The following CDKN2B-AS1 variants were observed in gnomAD, a reference collection of about 807,000 sequenced individuals.
CDKN2B-AS1 encodes the protein CDKN2B antisense RNA 1 (non-protein coding).
intron 4 of CDKN2B-AS1, among the ~76,000 whole-genome samples, chr9:22,071,318 G>A (rs146471807): frequency 2.0e-4 from 14 of 70,470 alleles, no homozygotes; most frequent in African/African-American, 6.4e-4. Flanking sequence ...TTTTTTTTTA[G>A]ACACGGAGTC....
Position 22,006,784 on chromosome 9 carries a change from A to G in CDKN2B-AS1, n.29+11623A>G, listed in dbSNP as rs374034887. On this transcript the variant is annotated intron_variant and non_coding_transcript_variant, in intron 1 of 4. Coordinates refer to ENST00000650946, the Ensembl canonical transcript of CDKN2B-AS1. This position sits in a 1 kb window ranked among gnomAD's most constrained non-coding sequence, Gnocchi z 6.4. ...TTTTTTTAATTTATTTAGTTCTCAT[A>G]GCAAATCCCGTGCGGAAGGCTTTTG... Among the ~76,000 whole-genome samples the G allele has an allele frequency of 6.6e-6, 1 of 151,940 alleles. No homozygotes were observed. Among genetic ancestry groups the G allele is most frequent in the Non-Finnish European group, 1.5e-5 (1 of 68,006 alleles).
intron 4 of CDKN2B-AS1, among the ~76,000 whole-genome samples, chr9:22,108,411 C>T (rs547035216): frequency 1.3e-5 from 2 of 152,138 alleles, no homozygotes; most frequent in Non-Finnish European, 2.9e-5. Flanking sequence ...TTGGTGAGAT[C>T]GGGCACGTTC....
intron 1 of CDKN2B-AS1, chr9:22,008,822 G>A (rs2131190028): frequency 1.2e-6 from 2 of 1,607,232 alleles, no homozygotes; most frequent in Non-Finnish European, 8.5e-7. Context: ...TCCCGAAACG[G>A]TTGACTCCGT....
chr9:22,072,702 C>G (rs1395641093), intron 4 of CDKN2B-AS1, among the ~76,000 whole-genome samples: 1 of 152,194 alleles, frequency 6.6e-6, no homozygotes, highest in Non-Finnish European at 1.5e-5. Flanking sequence ...TCCAAAGAAG[C>G]AAAATGCTAG....
intron 1 of CDKN2B-AS1, among the ~76,000 whole-genome samples, chr9:22,037,168 T>A (rs909252336): frequency 6.6e-6 from 1 of 152,124 alleles, no homozygotes; most frequent in Non-Finnish European, 1.5e-5. Flanking sequence ...AAATGTGTGT[T>A]AGAGAAATCA....
At chr9:22,076,307 G>C (rs1022449818) in intron 4 of CDKN2B-AS1, among the ~76,000 whole-genome samples, 1 of 152,068 alleles carries the variant, frequency 6.6e-6, no homozygotes, top group Non-Finnish European at 1.5e-5. Context: ...ACCCGCCTGG[G>C]CCTCCCAAAG....
chr9:22,062,501 G>A (rs895903057), intron 4 of CDKN2B-AS1, among the ~76,000 whole-genome samples: 1 of 152,190 alleles, frequency 6.6e-6, no homozygotes, highest in Non-Finnish European at 1.5e-5. Context: ...TTCTTTTAGA[G>A]CCAGGGCTGT....
chr9:22,034,576 G>A (rs548356412), intron 1 of CDKN2B-AS1, among the ~76,000 whole-genome samples: 1 of 152,298 alleles, frequency 6.6e-6, no homozygotes, highest in East Asian at 1.9e-4. Context: ...CAAAGAAATT[G>A]ATGACAATTA....
At position 22,001,782 on chromosome 9, in the gene CDKN2B-AS1, T is replaced by C. The variant is rs1335750704; in HGVS notation, n.29+6621T>C. ...ATAGCTGAAATTGAGAAACGTTTTA[T>C]AGAAACTTTTCAGGTATGAAGGATA... On this transcript the variant is annotated intron_variant and non_coding_transcript_variant, in intron 1 of 4. Coordinates refer to ENST00000650946, the Ensembl canonical transcript of CDKN2B-AS1. The surrounding 1 kb of genome is among the most constrained non-coding windows in gnomAD (Gnocchi z 4.2). 6.6e-6 allele frequency among the ~76,000 whole-genome samples: 1 copy of C among 152,126 alleles called. No individual in the cohort carries two copies. The highest frequency in any genetic ancestry group is 1.9e-4 in the East Asian group (1 of 5,200).
At chr9:22,101,500 G>T (rs1290226553) in intron 4 of CDKN2B-AS1, among the ~76,000 whole-genome samples, 1 of 152,108 alleles carries the variant, frequency 6.6e-6, no homozygotes, top group Admixed American at 6.5e-5. Flanking sequence ...CTTGTTACCT[G>T]ACCTAAATAT....
chr9:22,053,243 T>C (rs1309350231), intron 3 of CDKN2B-AS1, among the ~76,000 whole-genome samples: 1 of 152,210 alleles, frequency 6.6e-6, no homozygotes, highest in African/African-American at 2.4e-5. Context: ...TCTTTATCAC[T>C]AGGTTATTTA....
intron 4 of CDKN2B-AS1, among the ~76,000 whole-genome samples, chr9:22,069,906 C>G (rs1824219017): frequency 6.6e-6 from 1 of 152,108 alleles, no homozygotes. Flanking sequence ...CTCTGCCGCC[C>G]AGACTGGAGT....
intron 1 of CDKN2B-AS1, among the ~76,000 whole-genome samples, chr9:22,011,376 C>G (rs1821501290): frequency 6.6e-6 from 1 of 152,184 alleles, no homozygotes; most frequent in Non-Finnish European, 1.5e-5. Context: ...ATTGTGTACT[C>G]TGTACGAAGT....
rs899352566 is a variant in CDKN2B-AS1, at chr9:21,996,512, T to C, written n.29+1351T>C. Among the ~76,000 whole-genome samples the C allele has an allele frequency of 6.6e-6, 1 of 152,170 alleles. No individual in the cohort carries two copies. On this transcript the variant is annotated intron_variant and non_coding_transcript_variant, in intron 1 of 4. Coordinates refer to ENST00000650946, the Ensembl canonical transcript of CDKN2B-AS1. This position sits in a 1 kb window ranked among gnomAD's most constrained non-coding sequence, Gnocchi z 5.4. ...GAAATGCTTCCCTTTTCAGGCACCC[T>C]CATACCACCGTGATTTTTTTCTTTA...
In CDKN2B-AS1 at chr9:22,040,561, G is replaced by A. The variant is rs1822857357; in HGVS notation, n.30-6190G>A. On this transcript the variant is annotated intron_variant and non_coding_transcript_variant, in intron 1 of 4. Coordinates refer to ENST00000650946, the Ensembl canonical transcript of CDKN2B-AS1. ...TTATGAAGCCAAGCAGCTGTGCAAG[G>A]TACAGTAGAGATGGTCAGATTGTTC... 2.0e-5 allele frequency among the ~76,000 whole-genome samples: 3 copies of A among 152,054 alleles called. 1 individual carries two copies. In the East Asian group the frequency reaches 5.8e-4, roughly 30 times the overall value.
intron 4 of CDKN2B-AS1, among the ~76,000 whole-genome samples, chr9:22,101,679 C>A (rs538281984): frequency 8.3e-6 from 1 of 121,074 alleles, no homozygotes; most frequent in South Asian, 3.2e-4. Context: ...CACACACACA[C>A]ACACACACAC....
At chr9:22,104,954 T>G (rs1392215515) in intron 4 of CDKN2B-AS1, among the ~76,000 whole-genome samples, 1 of 152,208 alleles carries the variant, frequency 6.6e-6, no homozygotes, top group Non-Finnish European at 1.5e-5. Flanking sequence ...GTTTTATAAT[T>G]ACTCTCTTTA....
intron 4 of CDKN2B-AS1, among the ~76,000 whole-genome samples, chr9:22,070,306 T>TA (rs1224210960): frequency 3.3e-5 from 5 of 152,312 alleles, no homozygotes; most frequent in African/African-American, 9.6e-5. Flanking sequence ...TCAGACACTG[T>TA]ATTTGGTCCT....
intron 4 of CDKN2B-AS1, among the ~76,000 whole-genome samples, chr9:22,067,440 G>T (rs1824095675): frequency 6.6e-6 from 1 of 152,086 alleles, no homozygotes; most frequent in Non-Finnish European, 1.5e-5. Flanking sequence ...AGTCATGTAG[G>T]CAACTGTTTC....
Sources: allele counts gnomAD v4.1 joint callset (sites outside exome capture counted in the v4.1 genomes callset), GRCh38; gene constraint gnomAD v4.1.1; non-coding constraint Gnocchi (gnomAD v3.1); transcripts MANE v1.5; gene names NCBI Gene and HGNC (gene_info 2026-07-23, HGNC 2026-07-21).